The following FAF1 variants were observed in gnomAD, a reference collection of about 807,000 sequenced individuals.
FAF1 encodes the protein FAS-associated factor 1.
In FAF1, 25 loss-of-function variants were observed where a neutral mutation model predicts 92.5. The ratio of observed to expected loss-of-function variants is 0.27; its 90% CI spans 0.20 to 0.38. The LOEUF (loss-of-function observed/expected upper bound fraction) is 0.38. Ranked by LOEUF, FAF1 falls within the 10% of genes least tolerant of loss-of-function variation. The pLI, the probability that FAF1 is intolerant of heterozygous loss-of-function variation, is 1.00. For missense variants in FAF1, 636 were observed against 793.3 expected (o/e 0.80, Z 2.38); for synonymous variants, 234 against 273.2 (o/e 0.86, Z 1.42).
Position 50,535,469 on chromosome 1 carries a change from T to C in FAF1, c.1406-12A>G, listed in dbSNP as rs1329565147. The C allele has an allele frequency of 7.2e-6, 11 of 1,522,150 alleles. No homozygotes were observed. Among genetic ancestry groups the C allele is most frequent in the Admixed American group, 5.1e-5 (3 of 58,784 alleles). 94.3% of individuals were successfully genotyped at this position (1,522,150 alleles called of 1,614,324 possible). The stretch of plus-strand genomic sequence containing the variant: ...TACTGTTGTGTTCCCTAAAAACATA[T>C]AGAGATTGCCAAACTTTTATAATCA... On this transcript the variant is annotated splice_polypyrimidine_tract_variant and intron_variant, in intron 14 of 18. Coordinates refer to ENST00000396153, the MANE Select transcript of FAF1 (RefSeq NM_007051.3).
At chr1:50,626,202 CAAT>C (rs1653490952) in intron 8 of FAF1, among the ~76,000 whole-genome samples, 1 of 152,066 alleles carries the variant, frequency 6.6e-6, no homozygotes, top group Admixed American at 6.5e-5. Flanking sequence ...AAACTGACAA[CAAT>C]GTCACAGTTG....
At chr1:50,682,155 GTAAC>G (rs1656455372) in intron 7 of FAF1, among the ~76,000 whole-genome samples, 1 of 152,000 alleles carries the variant, frequency 6.6e-6, no homozygotes, top group South Asian at 2.1e-4. Flanking sequence ...GTGTAACTGA[GTAAC>G]TGATGCCAAA....
intron 3 of FAF1, among the ~76,000 whole-genome samples, chr1:50,795,118 C>T (rs1661700989): frequency 6.6e-6 from 1 of 152,034 alleles, no homozygotes; most frequent in Non-Finnish European, 1.5e-5. Flanking sequence ...GCATGGACAC[C>T]ACAACATGGA....
chr1:50,541,483 T>C (rs1471432112), intron 13 of FAF1, among the ~76,000 whole-genome samples: 9 of 152,112 alleles, frequency 5.9e-5, no homozygotes, highest in African/African-American at 2.2e-4. Flanking sequence ...GATCGTGAGA[T>C]TAGAAAATTA....
At chr1:50,887,861 G>A (rs916615716) in intron 1 of FAF1, among the ~76,000 whole-genome samples, 1 of 152,174 alleles carries the variant, frequency 6.6e-6, no homozygotes, top group East Asian at 1.9e-4. Context: ...GGCAAGGCAG[G>A]CTCTTTTTTG....
At chr1:50,861,988 A>G (rs1351035171) in intron 1 of FAF1, among the ~76,000 whole-genome samples, 1 of 151,670 alleles carries the variant, frequency 6.6e-6, no homozygotes, top group African/African-American at 2.4e-5. Context: ...AGACTATTGT[A>G]TTTTGTTATG....
chr1:50,553,744 T>C lies in FAF1; in HGVS notation c.1268+13333A>G, dbSNP rs981280080. Among the ~76,000 whole-genome samples, 4 of 152,082 alleles carry C rather than the reference T, an allele frequency of 2.6e-5. No individual in the cohort carries two copies. In the East Asian group the frequency reaches 5.8e-4, roughly 22 times the overall value. On this transcript the variant is annotated intron_variant, in intron 13 of 18. Coordinates refer to ENST00000396153, the MANE Select transcript of FAF1 (RefSeq NM_007051.3). ...GAAGAGGCAGGGAAAATAGGAAAAA[T>C]GAGAACTAGAGTTACATTGATAAAA...
At position 50,522,044 on chromosome 1, in the gene FAF1, C is replaced by T. The variant is rs534283437; in HGVS notation, c.1494+13325G>A. On this transcript the variant is annotated intron_variant, in intron 15 of 18. Coordinates refer to ENST00000396153, the MANE Select transcript of FAF1 (RefSeq NM_007051.3). ...TAAGAACAACAAATGTAAACAGGGACGGTATGGATATATCTTTTTAAAAGT... is the reference window on the plus strand; with the variant it reads ...TAAGAACAACAAATGTAAACAGGGATGGTATGGATATATCTTTTTAAAAGT... 2.6e-4 allele frequency among the ~76,000 whole-genome samples: 40 copies of T among 152,238 alleles called. No individual in the cohort carries two copies. The South Asian group carries it at 2.9e-3, about 11-fold the overall frequency.
intron 2 of FAF1, among the ~76,000 whole-genome samples, chr1:50,848,157 AC>A (rs1485873324): frequency 4.6e-5 from 7 of 152,354 alleles, no homozygotes; most frequent in East Asian, 1.9e-4. Flanking sequence ...TTTAAAAAAA[AC>A]AATGGAAATA....
At chr1:50,586,266 T>TG (rs1399602752) in intron 9 of FAF1, among the ~76,000 whole-genome samples, 1 of 152,164 alleles carries the variant, frequency 6.6e-6, no homozygotes, top group Non-Finnish European at 1.5e-5. Context: ...GAGAGGTCAA[T>TG]GGGGAGCTTA....
intron 1 of FAF1, among the ~76,000 whole-genome samples, chr1:50,929,288 C>A (rs1196349734): frequency 6.6e-6 from 1 of 151,940 alleles, no homozygotes; most frequent in Non-Finnish European, 1.5e-5. Context: ...CATAGGAAAG[C>A]AGAAGGAGTG....
At chr1:50,757,146 G>A (rs904027030) in intron 4 of FAF1, among the ~76,000 whole-genome samples, 2 of 152,086 alleles carry the variant, frequency 1.3e-5, no homozygotes, top group Admixed American at 6.5e-5. Flanking sequence ...TTTTAAATTT[G>A]TTTTGTGACT....
At position 50,724,288 on chromosome 1, in the gene FAF1, CACACACAT is replaced by C. The variant is rs1280171148; in HGVS notation, c.551+14567_551+14574del. ...ATATATATACATATACACACACACACACACACATACACACACACACACACACACACACA... is the reference window on the plus strand; with the variant it reads ...ATATATATACATATACACACACACACACACACACACACACACACACACACA... On this transcript the variant is annotated intron_variant, in intron 6 of 18. Transcript: ENST00000396153. 9.4e-3 allele frequency among the ~76,000 whole-genome samples: 1,064 copies of C among 113,432 alleles called. 15 individuals are homozygous for C. Among genetic ancestry groups the C allele is most frequent in the African/African-American group, 0.04 (1,005 of 25,320 alleles). The allele number at this position is 113,432 out of a possible 152,430, so 74.4% of individuals were successfully genotyped here. A position where few individuals can be genotyped will look rare whatever the true frequency, so the allele number is the denominator to read the frequency against.
In FAF1 at chr1:50,744,776, C is replaced by T; in HGVS notation, c.368-1G>A. 6.4e-7 allele frequency: 1 copy of T among 1,561,238 alleles called. No individual in the cohort carries two copies. Among genetic ancestry groups the T allele is most frequent in the Non-Finnish European group, 8.8e-7 (1 of 1,140,860 alleles). On this transcript the variant is annotated splice_acceptor_variant, in intron 4 of 18. Coordinates refer to ENST00000396153, the MANE Select transcript of FAF1 (RefSeq NM_007051.3). LOFTEE classifies it high-confidence loss of function. ...TTTTCTAGAATCTGTTTAATCTCTC[C>T]TGTATAAATAAGAAGAGATCAAATA...
At chr1:50,694,062 A>G (rs780222047) in intron 7 of FAF1, among the ~76,000 whole-genome samples, 1 of 149,670 alleles carries the variant, frequency 6.7e-6, no homozygotes, top group Admixed American at 6.6e-5. Context: ...TGACATATAT[A>G]TGACATATAC....
At chr1:50,554,390 T>TATATATATATAG in intron 13 of FAF1, among the ~76,000 whole-genome samples, 3 of 93,706 alleles carry the variant, frequency 3.2e-5, no homozygotes, top group African/African-American at 1.4e-4. Flanking sequence ...TATATATATA[T>TATATATATATAG]AGAGAGAGAG....
chr1:50,651,505 C>A (rs868625215), intron 8 of FAF1, among the ~76,000 whole-genome samples: 26 of 152,240 alleles, frequency 1.7e-4, no homozygotes, highest in African/African-American at 6.0e-4. Context: ...TAAAGCCACA[C>A]AAATTTCTTC....
At chr1:50,580,543 A>G (rs934878400) in intron 12 of FAF1, among the ~76,000 whole-genome samples, 1 of 151,772 alleles carries the variant, frequency 6.6e-6, no homozygotes, top group Admixed American at 6.6e-5. Context: ...ATTAAAATTT[A>G]AATAATTTTT....
intron 2 of FAF1, among the ~76,000 whole-genome samples, chr1:50,849,813 T>C (rs543899735): frequency 6.6e-6 from 1 of 152,192 alleles, no homozygotes; most frequent in Non-Finnish European, 1.5e-5. Context: ...TTCAAAGACA[T>C]CTACACAGCC....
Sources: allele counts gnomAD v4.1 joint callset (sites outside exome capture counted in the v4.1 genomes callset), GRCh38; gene constraint gnomAD v4.1.1; transcripts MANE v1.5; gene names NCBI Gene and HGNC (gene_info 2026-07-23, HGNC 2026-07-21).